Variants in SCLT1 observed in about 807,000 individuals in gnomAD.
The protein encoded by SCLT1 is sodium channel-associated protein 1.
Under a neutral mutation model 112.8 loss-of-function variants are expected in SCLT1, and 78 were observed. The ratio of observed to expected loss-of-function variants is 0.69; its 90% CI spans 0.58 to 0.83. The LOEUF (loss-of-function observed/expected upper bound fraction) is 0.83. Among genes scored for constraint, SCLT1 ranks in the 40% least tolerant of loss-of-function variants. The pLI is 0.00. For synonymous variants in SCLT1, 257 were observed against 254.7 expected (o/e 1.01, Z -0.09); for missense variants, 747 against 770.4 (o/e 0.97, Z 0.36).
intron 18 of SCLT1, among the ~76,000 whole-genome samples, chr4:128,920,017 G>A (rs369612269): frequency 1.3e-5 from 2 of 152,140 alleles, no homozygotes; most frequent in South Asian, 4.2e-4. Context: ...AAAAAATTGA[G>A]GAGAAGGGAC....
chr4:128,960,020 C>A (rs1739547177), intron 11 of SCLT1, among the ~76,000 whole-genome samples: 1 of 152,122 alleles, frequency 6.6e-6, no homozygotes, highest in Non-Finnish European at 1.5e-5. Flanking sequence ...CGCTAATGAG[C>A]AGTGGGGCTG....
chr4:128,896,411 C>G (rs935303192), intron 18 of SCLT1, among the ~76,000 whole-genome samples: 7 of 152,198 alleles, frequency 4.6e-5, no homozygotes, highest in Non-Finnish European at 8.8e-5. Context: ...CCCAGGCAAA[C>G]AGGGTCTGGA....
At chr4:128,904,632 A>G (rs1377752814) in intron 18 of SCLT1, among the ~76,000 whole-genome samples, 1 of 152,106 alleles carries the variant, frequency 6.6e-6, no homozygotes, top group Admixed American at 6.6e-5. Flanking sequence ...CAACTAAATC[A>G]TATTGTTTCC....
chr4:128,985,701 C>T (rs1295473139), intron 9 of SCLT1, among the ~76,000 whole-genome samples: 2 of 152,016 alleles, frequency 1.3e-5, no homozygotes, highest in Non-Finnish European at 2.9e-5. Flanking sequence ...GAAATCTTTT[C>T]CTTTTTGGCT....
rs975037964 is a variant in SCLT1, at chr4:128,899,681, C to T, written c.1830-8544G>A. Among the ~76,000 whole-genome samples the T allele has an allele frequency of 2.5e-4, 38 of 149,576 alleles. 2 individuals are homozygous for T. The highest frequency in any genetic ancestry group is 8.1e-4 in the African/African-American group (33 of 40,610). ...TGTTGGAAGTTCTGGCCAGGGCAAT[C>T]AGGCAGGAGAAGGAAATAAAGGGTA... On this transcript the variant is annotated intron_variant, in intron 18 of 20. Coordinates refer to ENST00000281142, the MANE Select transcript of SCLT1 (RefSeq NM_144643.4).
intron 3 of SCLT1, among the ~76,000 whole-genome samples, chr4:128,877,478 G>A (rs1045500566): frequency 6.6e-6 from 1 of 152,048 alleles, no homozygotes; most frequent in Admixed American, 6.6e-5. Flanking sequence ...TCAGTAGTTC[G>A]AGACCAGCCT....
intron 18 of SCLT1, among the ~76,000 whole-genome samples, chr4:128,914,562 G>A (rs925710873): frequency 1.3e-5 from 2 of 152,152 alleles, no homozygotes; most frequent in African/African-American, 4.8e-5. Flanking sequence ...AGAGAGGTCA[G>A]AGATGATGGT....
chr4:128,922,450 C>A (rs1735958340), intron 18 of SCLT1, among the ~76,000 whole-genome samples: 2 of 151,996 alleles, frequency 1.3e-5, no homozygotes, highest in South Asian at 4.2e-4. Context: ...TATATATACC[C>A]CAAGGAATAC....
At chr4:128,911,652 T>C (rs765024403) in intron 18 of SCLT1, among the ~76,000 whole-genome samples, 1 of 152,220 alleles carries the variant, frequency 6.6e-6, no homozygotes. Flanking sequence ...GGGTAGATAA[T>C]TTTAAAAATC....
intron 10 of SCLT1, among the ~76,000 whole-genome samples, chr4:128,969,298 C>T (rs57542268): frequency 2.0e-5 from 3 of 152,152 alleles, no homozygotes; most frequent in East Asian, 1.9e-4. Flanking sequence ...GCTGGCCGGG[C>T]GCGGTGGCTC....
chr4:129,035,499 T>C (rs1391975825), intron 5 of SCLT1, among the ~76,000 whole-genome samples: 3 of 152,064 alleles, frequency 2.0e-5, no homozygotes, highest in African/African-American at 7.2e-5. Flanking sequence ...CCTGAGCACA[T>C]TGCCACTGGA....
At chr4:129,069,117 C>T (rs984716996) in intron 2 of SCLT1, among the ~76,000 whole-genome samples, 2 of 151,936 alleles carry the variant, frequency 1.3e-5, no homozygotes, top group African/African-American at 4.8e-5. Context: ...TTCTCTATTC[C>T]GTTCCATTGG....
In SCLT1 at chr4:129,022,832, G is replaced by A. The variant is rs565569974; in HGVS notation, c.290+16209C>T. 2.0e-5 allele frequency among the ~76,000 whole-genome samples: 3 copies of A among 152,210 alleles called. No individual in the cohort carries two copies. The East Asian group carries it at 5.8e-4, about 29-fold the overall frequency. On this transcript the variant is annotated intron_variant, in intron 5 of 20. Transcript: ENST00000281142. ...TACTCCTTGAGAAGAGCAACCCTAAGTCACATAATCATCAGATTTTCCAAG... is the reference window on the plus strand; with the variant it reads ...TACTCCTTGAGAAGAGCAACCCTAAATCACATAATCATCAGATTTTCCAAG...
At chr4:129,017,151 T>C in intron 5 of SCLT1, among the ~76,000 whole-genome samples, 1 of 152,154 alleles carries the variant, frequency 6.6e-6, no homozygotes, top group South Asian at 2.1e-4. Flanking sequence ...TCATCTTTTG[T>C]CATTTTTTAT....
rs375559537 is a variant in SCLT1, at chr4:129,069,561, T to C, written c.102+12745A>G. Among the ~76,000 whole-genome samples, 25 of 152,260 alleles carry C rather than the reference T, an allele frequency of 1.6e-4. No individual in the cohort carries two copies. The East Asian group carries it at 4.8e-3, about 29-fold the overall frequency. On this transcript the variant is annotated intron_variant, in intron 2 of 20. Coordinates refer to ENST00000281142, the MANE Select transcript of SCLT1 (RefSeq NM_144643.4). Reference sequence around the variant, plus strand: ...CAAGTTCTTGATTTGATTCTCTGCTTGGTTGCTGTATAGAAGGGCTACTGA... The same window carrying C: ...CAAGTTCTTGATTTGATTCTCTGCTCGGTTGCTGTATAGAAGGGCTACTGA...
intron 1 of SCLT1, among the ~76,000 whole-genome samples, chr4:129,091,237 C>T (rs1258545851): frequency 6.6e-6 from 1 of 152,074 alleles, no homozygotes; most frequent in Non-Finnish European, 1.5e-5. Flanking sequence ...TTCATGCAAA[C>T]GCTACCATTC....
chr4:129,017,980 A>C (rs1011081297), intron 5 of SCLT1, among the ~76,000 whole-genome samples: 1 of 152,230 alleles, frequency 6.6e-6, no homozygotes, highest in African/African-American at 2.4e-5. Context: ...GGAAGCAGCT[A>C]TATCTACTGC....
At chr4:129,029,816 A>C (rs1392232393) in intron 5 of SCLT1, among the ~76,000 whole-genome samples, 1 of 152,142 alleles carries the variant, frequency 6.6e-6, no homozygotes, top group African/African-American at 2.4e-5. Flanking sequence ...TTCATAAAAC[A>C]AGTTCTTACA....
chr4:129,074,122 A>G (rs1298222269), intron 2 of SCLT1, among the ~76,000 whole-genome samples: 1 of 152,216 alleles, frequency 6.6e-6, no homozygotes, highest in Non-Finnish European at 1.5e-5. Flanking sequence ...AGATACAAAT[A>G]ATATGCTGTT....
Sources: allele counts gnomAD v4.1 joint callset (sites outside exome capture counted in the v4.1 genomes callset), GRCh38; gene constraint gnomAD v4.1.1; transcripts MANE v1.5; gene names NCBI Gene and HGNC (gene_info 2026-07-23, HGNC 2026-07-21).